MDGA2: variants seen among roughly 807,000 people sequenced by gnomAD.
MDGA2 encodes the protein MAM domain containing glycosylphosphatidylinositol anchor 2.
MDGA2 carries 40 observed loss-of-function variants against 117.8 expected under a neutral mutation model. That is an observed-to-expected ratio of 0.34 (90% CI 0.26 to 0.44). The LOEUF is 0.44. Among genes scored for constraint, MDGA2 ranks in the 20% least tolerant of loss-of-function variants. The pLI is 1.00. For synonymous variants in MDGA2, 452 were observed against 439.0 expected (o/e 1.03, Z -0.37); for missense variants, 1,123 against 1,250.6 (o/e 0.90, Z 1.54).
intron 1 of MDGA2, among the ~76,000 whole-genome samples, chr14:47,570,602 C>T (rs976929295): frequency 1.3e-5 from 2 of 152,094 alleles, no homozygotes; most frequent in African/African-American, 4.8e-5. Flanking sequence ...AACAACACTA[C>T]ACATCTACAA....
chr14:47,446,488 T>G (rs1260001534), intron 1 of MDGA2, among the ~76,000 whole-genome samples: 1 of 151,892 alleles, frequency 6.6e-6, no homozygotes, highest in Non-Finnish European at 1.5e-5. Flanking sequence ...TGGTTCACTG[T>G]GAAATAAATG....
chr14:47,234,768 T>C (rs1886804591), intron 2 of MDGA2, among the ~76,000 whole-genome samples: 1 of 152,088 alleles, frequency 6.6e-6, no homozygotes, highest in Non-Finnish European at 1.5e-5. Flanking sequence ...ACAATACACA[T>C]AAGACTTCCA....
intron 2 of MDGA2, among the ~76,000 whole-genome samples, chr14:47,270,181 A>T (rs551532511): frequency 6.6e-6 from 1 of 152,024 alleles, no homozygotes; most frequent in Non-Finnish European, 1.5e-5. Context: ...TGTACCATGG[A>T]TTTTTCCATT....
intron 1 of MDGA2, among the ~76,000 whole-genome samples, chr14:47,443,895 T>G (rs1893066731): frequency 2.0e-5 from 3 of 152,194 alleles, no homozygotes; most frequent in Admixed American, 2.0e-4. Flanking sequence ...GGCTTGTCCC[T>G]GAAAGTTGTA....
intron 1 of MDGA2, among the ~76,000 whole-genome samples, chr14:47,416,146 T>A (rs1251353256): frequency 6.6e-6 from 1 of 152,136 alleles, no homozygotes; most frequent in Non-Finnish European, 1.5e-5. Flanking sequence ...CATCTAAATA[T>A]CATTTAAATC....
intron 8 of MDGA2, among the ~76,000 whole-genome samples, chr14:46,966,924 G>T (rs1886054068): frequency 7.1e-6 from 1 of 140,096 alleles, no homozygotes; most frequent in African/African-American, 2.5e-5. Flanking sequence ...TTAATAAGGG[G>T]ATGAGAGAGT....
chr14:46,903,253 T>C (rs529520377), intron 10 of MDGA2, among the ~76,000 whole-genome samples: 1 of 152,332 alleles, frequency 6.6e-6, no homozygotes, highest in African/African-American at 2.4e-5. Flanking sequence ...TTAGCTGAAC[T>C]AAGGAACAGA....
intron 1 of MDGA2, among the ~76,000 whole-genome samples, chr14:47,478,998 T>C (rs1175659222): frequency 6.6e-6 from 1 of 152,190 alleles, no homozygotes; most frequent in Non-Finnish European, 1.5e-5. Context: ...TTTAAAACAA[T>C]TAGTTCCGAG....
At position 47,195,718 on chromosome 14, in the gene MDGA2, AT is replaced by A. The variant is rs534044208; in HGVS notation, c.595+22302del. 1.6e-4 allele frequency among the ~76,000 whole-genome samples: 25 copies of A among 152,226 alleles called. No homozygotes were observed. The East Asian group carries it at 3.5e-3, about 21-fold the overall frequency. The stretch of plus-strand genomic sequence containing the variant: ...AACTTGCTTAAGTCTGTAACTGACA[AT>A]TGAAAGAAAGGCAGCTGAGGAATTT... On this transcript the variant is annotated intron_variant, in intron 3 of 16. Coordinates refer to ENST00000399232, the MANE Select transcript of MDGA2 (RefSeq NM_001113498.3).
At chr14:47,199,627 T>C (rs1395201367) in intron 3 of MDGA2, among the ~76,000 whole-genome samples, 2 of 152,106 alleles carry the variant, frequency 1.3e-5, no homozygotes, top group African/African-American at 2.4e-5. Flanking sequence ...AGATACTACA[T>C]TGATATCATA....
chr14:47,434,671 G>A (rs1429373935), intron 1 of MDGA2, among the ~76,000 whole-genome samples: 1 of 152,080 alleles, frequency 6.6e-6, no homozygotes, highest in Non-Finnish European at 1.5e-5. Context: ...TATGGGAAGT[G>A]GTAAATATAG....
intron 8 of MDGA2, among the ~76,000 whole-genome samples, chr14:47,010,649 G>A (rs558382821): frequency 7.2e-5 from 11 of 151,896 alleles, no homozygotes; most frequent in Non-Finnish European, 1.2e-4. Context: ...GCATTGTATT[G>A]TTGACTCGCC....
At chr14:47,608,166 T>C (rs1320374833) in intron 1 of MDGA2, among the ~76,000 whole-genome samples, 3 of 152,270 alleles carry the variant, frequency 2.0e-5, no homozygotes, top group East Asian at 3.9e-4. Context: ...GTGGGAAAGA[T>C]ATCACTGAAT....
intron 3 of MDGA2, among the ~76,000 whole-genome samples, chr14:47,203,814 T>C (rs1411607295): frequency 6.6e-6 from 1 of 151,934 alleles, no homozygotes; most frequent in African/African-American, 2.4e-5. Context: ...GAGATTAGGA[T>C]ATATAACCAG....
intron 1 of MDGA2, among the ~76,000 whole-genome samples, chr14:47,390,946 T>C (rs1017806930): frequency 6.6e-6 from 1 of 152,166 alleles, no homozygotes; most frequent in Non-Finnish European, 1.5e-5. Flanking sequence ...TTTCTATTTT[T>C]CCAACCCTTA....
rs141876812 is a variant in MDGA2 at position 47,400,278 on chromosome 14, T to C, written c.281-98728A>G. Among the ~76,000 whole-genome samples, 682 of 152,304 alleles carry C rather than the reference T, an allele frequency of 4.5e-3. 3 individuals carry two copies. Among genetic ancestry groups the C allele is most frequent in the African/African-American group, 0.016 (664 of 41,576 alleles). ...GGTAACATTTCATTTGAATTCTCTCTCAAACTCACAAAACTGTACATTCAA... is the reference window on the plus strand; with the variant it reads ...GGTAACATTTCATTTGAATTCTCTCCCAAACTCACAAAACTGTACATTCAA... On this transcript the variant is annotated intron_variant, in intron 1 of 16. Coordinates refer to ENST00000399232, the MANE Select transcript of MDGA2 (RefSeq NM_001113498.3).
At chr14:47,584,393 A>G (rs1896284496) in intron 1 of MDGA2, among the ~76,000 whole-genome samples, 1 of 151,830 alleles carries the variant, frequency 6.6e-6, no homozygotes, top group Non-Finnish European at 1.5e-5. Context: ...TTGTTCAATC[A>G]ATACTTGATG....
At chr14:47,575,963 T>C (rs547887830) in intron 1 of MDGA2, among the ~76,000 whole-genome samples, 1 of 152,320 alleles carries the variant, frequency 6.6e-6, no homozygotes, top group South Asian at 2.1e-4. Flanking sequence ...AATCTGGGCT[T>C]CCTCTGAAGA....
chr14:47,636,350 C>T (rs1897321078), intron 1 of MDGA2, among the ~76,000 whole-genome samples: 1 of 152,170 alleles, frequency 6.6e-6, no homozygotes, highest in South Asian at 2.1e-4. Context: ...ATTGTGCCTT[C>T]ATTCATGCAA....
Sources: gnomAD v4.1 joint callset for allele counts (sites outside exome capture counted in the v4.1 genomes callset) on GRCh38, gnomAD v4.1.1 for gene constraint, MANE v1.5 for transcripts, NCBI Gene and HGNC (gene_info 2026-07-23, HGNC 2026-07-21) for gene names.